PDGFC: variants seen among roughly 807,000 people sequenced by gnomAD.
The protein encoded by PDGFC is platelet-derived growth factor C.
In PDGFC, 12 loss-of-function variants were observed where a neutral mutation model predicts 35.5. That is an observed-to-expected ratio of 0.34 (90% CI 0.22 to 0.55). PDGFC has a LOEUF of 0.55. Among genes scored for constraint, PDGFC ranks in the 20% least tolerant of loss-of-function variants. PDGFC has a pLI of 0.91. For missense variants in PDGFC, 322 were observed against 412.4 expected (o/e 0.78, Z 1.90); for synonymous variants, 159 against 148.8 (o/e 1.07, Z -0.50).
intron 3 of PDGFC, among the ~76,000 whole-genome samples, chr4:156,793,655 A>G (rs1411968951): frequency 2.0e-5 from 3 of 151,066 alleles, no homozygotes; most frequent in Non-Finnish European, 2.9e-5. Flanking sequence ...AATTTTTTAA[A>G]TACCAATCAG....
intron 3 of PDGFC, among the ~76,000 whole-genome samples, chr4:156,781,825 C>A (rs543437992): frequency 2.0e-4 from 31 of 152,128 alleles, no homozygotes; most frequent in African/African-American, 7.5e-4. Context: ...AAGGATTAAG[C>A]AAAATAGCAT....
chr4:156,896,315 T>C (rs138972439), intron 1 of PDGFC, among the ~76,000 whole-genome samples: 2 of 152,320 alleles, frequency 1.3e-5, no homozygotes, highest in African/African-American at 4.8e-5. Context: ...GGCCTATGAC[T>C]GGAAGAGTGC....
At chr4:156,795,475 A>G (rs1731416150) in intron 3 of PDGFC, among the ~76,000 whole-genome samples, 1 of 152,090 alleles carries the variant, frequency 6.6e-6, no homozygotes, top group Admixed American at 6.5e-5. Flanking sequence ...CAGTTGGCAA[A>G]TCCCTGTTTA....
intron 3 of PDGFC, among the ~76,000 whole-genome samples, chr4:156,802,397 A>G (rs1731636445): frequency 6.6e-6 from 1 of 152,092 alleles, no homozygotes; most frequent in East Asian, 1.9e-4. Flanking sequence ...AAATATACAT[A>G]AAGGAACAAT....
chr4:156,932,855 C>T (rs1341565305), intron 1 of PDGFC, among the ~76,000 whole-genome samples: 4 of 151,562 alleles, frequency 2.6e-5, no homozygotes, highest in African/African-American at 9.7e-5. Flanking sequence ...ATGTAACTAA[C>T]CTGCACGTTG....
intron 2 of PDGFC, among the ~76,000 whole-genome samples, chr4:156,836,920 T>C (rs1318297409): frequency 6.6e-6 from 1 of 152,164 alleles, no homozygotes; most frequent in Admixed American, 6.5e-5. Flanking sequence ...AATCTGCCTG[T>C]ATTATAAAAG....
intron 1 of PDGFC, among the ~76,000 whole-genome samples, chr4:156,875,689 G>A (rs1277882996): frequency 6.6e-6 from 1 of 152,160 alleles, no homozygotes; most frequent in Non-Finnish European, 1.5e-5. Flanking sequence ...AGGCTGAGGT[G>A]GGCAGATCAC....
chr4:156,870,385 A>G (rs1352734664), intron 1 of PDGFC, among the ~76,000 whole-genome samples: 1 of 152,176 alleles, frequency 6.6e-6, no homozygotes, highest in African/African-American at 2.4e-5. Context: ...ATTTCATAAC[A>G]TTAGAAAACC....
intron 1 of PDGFC, among the ~76,000 whole-genome samples, chr4:156,853,377 C>T (rs919863340): frequency 6.6e-5 from 10 of 152,156 alleles, no homozygotes; most frequent in Admixed American, 6.5e-5. Context: ...CCTGTTTAAT[C>T]CTAAACTACC....
chr4:156,846,926 C>A (rs1423051982), intron 2 of PDGFC, among the ~76,000 whole-genome samples: 1 of 151,692 alleles, frequency 6.6e-6, no homozygotes, highest in Non-Finnish European at 1.5e-5. Flanking sequence ...ATGTTAAGAG[C>A]AAATCCTTTA....
intron 3 of PDGFC, among the ~76,000 whole-genome samples, chr4:156,797,605 G>A (rs1011808132): frequency 3.3e-5 from 5 of 152,180 alleles, no homozygotes; most frequent in Non-Finnish European, 7.3e-5. Context: ...AACGATAGCT[G>A]ATGAGCTACA....
At chr4:156,898,359 G>GA (rs1460524516) in intron 1 of PDGFC, among the ~76,000 whole-genome samples, 3 of 151,896 alleles carry the variant, frequency 2.0e-5, no homozygotes, top group Non-Finnish European at 4.4e-5. Flanking sequence ...ACAGACTAAG[G>GA]AAAAAAACAA....
intron 3 of PDGFC, among the ~76,000 whole-genome samples, chr4:156,782,447 T>C (rs1347778682): frequency 6.6e-6 from 1 of 152,176 alleles, no homozygotes; most frequent in Non-Finnish European, 1.5e-5. Flanking sequence ...CTAGTTAGCA[T>C]GCCGTTCCTA....
At chr4:156,887,126 A>G (rs1359784433) in intron 1 of PDGFC, among the ~76,000 whole-genome samples, 2 of 152,242 alleles carry the variant, frequency 1.3e-5, no homozygotes, top group African/African-American at 4.8e-5. Context: ...ATATTCAAAT[A>G]TTCTAATGAA....
intron 1 of PDGFC, among the ~76,000 whole-genome samples, chr4:156,933,152 T>C (rs1035023872): frequency 6.6e-6 from 1 of 152,146 alleles, no homozygotes; most frequent in Non-Finnish European, 1.5e-5. Flanking sequence ...ATGAAGGAAA[T>C]CTAATGAAAT....
chr4:156,970,872 G>C lies in PDGFC; in HGVS notation c.32C>G (p.Ser11Cys), dbSNP rs1229291727. Reference protein sequence around the residue: MSLFGLLLLTSALAGQRQGTQ... With the variant: MSLFGLLLLTCALAGQRQGTQ... ...CCCCTGTCTCTGGCCGGCCAGGGCA[G>C]ATGTCAGCAGGAGAAGCCCGAAGAG... is the stretch of plus-strand genomic sequence containing the variant. The change falls in exon 1 of 6, where the codon TCT becomes TGT. Residue 11 changes from serine to cysteine, a missense_variant. Physicochemically the swap from Ser to Cys is moderately radical, Grantham distance 112. Transcript: ENST00000502773. 6.2e-7 allele frequency: 1 copy of C among 1,613,866 alleles called. No homozygotes were observed. The highest frequency in any genetic ancestry group is 8.5e-7 in the Non-Finnish European group (1 of 1,179,778).
intron 5 of PDGFC, among the ~76,000 whole-genome samples, chr4:156,766,795 G>T (rs967569870): frequency 1.3e-5 from 2 of 152,040 alleles, no homozygotes; most frequent in African/African-American, 4.8e-5. Context: ...TATTGTGTTG[G>T]CAATTGATAA....
chr4:156,810,829 G>A lies in PDGFC; in HGVS notation c.495+8C>T, dbSNP rs1474979997. ...AATTAAATAAGGGGATCTGAAAGTG[G>A]TACTTACTGGCATGACAATGTTGTA... On this transcript the variant is annotated splice_region_variant and intron_variant, in intron 3 of 5. Coordinates refer to ENST00000502773, the MANE Select transcript of PDGFC (RefSeq NM_016205.3). The A allele has an allele frequency of 1.3e-6, 2 of 1,550,150 alleles. No individual in the cohort carries two copies. The highest frequency in any genetic ancestry group is 1.7e-4 in the Middle Eastern group (1 of 5,928).
intron 2 of PDGFC, among the ~76,000 whole-genome samples, chr4:156,846,018 A>C (rs1231968534): frequency 1.3e-5 from 2 of 151,782 alleles, no homozygotes; most frequent in South Asian, 2.1e-4. Context: ...GCAGAAATTA[A>C]AATCTAATAA....
Sources: allele counts gnomAD v4.1 joint callset (sites outside exome capture counted in the v4.1 genomes callset), GRCh38; gene constraint gnomAD v4.1.1; transcripts MANE v1.5; gene names NCBI Gene and HGNC (gene_info 2026-07-23, HGNC 2026-07-21).